The following RECQL4 variants were observed in gnomAD, a reference collection of about 807,000 sequenced individuals.
RECQL4 encodes the protein RecQ like helicase 4.
Under a neutral mutation model 128.6 loss-of-function variants are expected in RECQL4, and 158 were observed. The observed-to-expected ratio is 1.23, with a 90% CI of 1.08 to 1.40. RECQL4 has a LOEUF of 1.40. Ranked by LOEUF, RECQL4 falls within the 40% of genes most tolerant of loss-of-function variation. The probability of loss-of-function intolerance (pLI) is 0.00; values close to 1 mark genes in which losing one functional copy is unlikely to be tolerated. For missense variants in RECQL4, 2,293 were observed against 1,649.8 expected, an observed-to-expected ratio of 1.39 and a Z score of -6.75; for synonymous variants, 996 against 678.9, an observed-to-expected ratio of 1.47 and a Z score of -7.26.
At position 144,515,832 on chromosome 8, in the gene RECQL4, A is replaced by T. The variant is rs1423987224; in HGVS notation, c.1190T>A (p.Val397Asp). ...GECFGGGGATVTTKESCFLNE... is the reference protein window; with the variant it reads ...GECFGGGGATDTTKESCFLNE... ...CAGGAAACAAGACTCCTTGGTTGTG[A>T]CTGTGGCACCACCACCCCCAAAACA... The change falls in exon 6 of 21, where the codon GTC becomes GAC. Residue 397 changes from valine (V) to aspartate (D), a missense_variant. Transcript: ENST00000617875. 6.2e-7 allele frequency: 1 copy of T among 1,612,792 alleles called. No individual in the cohort carries two copies. The highest frequency in any genetic ancestry group is 1.1e-5 in the South Asian group (1 of 91,022).
intron 9 of RECQL4, 126 bp downstream of exon 9, chr8:144,514,810 T>C (rs1827912452): frequency 8.2e-7 from 1 of 1,217,578 alleles, no homozygotes; most frequent in Non-Finnish European, 1.2e-6. Flanking sequence ...AGACTGGGAC[T>C]GAGGCCACAG....
In RECQL4 at chr8:144,511,476, G is replaced by T. The variant is rs772747279; in HGVS notation, c.3582C>A (p.Ala1194=). Residue 1194 remains alanine (A), a synonymous_variant, in exon 21 of 21, where the codon GCC becomes GCA. Transcript: ENST00000617875. ...WRKYLHLSFH[A]LVGLATEELL... is the part of the protein sequence containing the mutation. The stretch of plus-strand genomic sequence containing the variant: ...GCTCTTCCGTGGCCAGGCCCACCAG[G>T]GCATGGAAGCTCAGGTGCAGGTATT... The T allele has an allele frequency of 6.2e-7, 1 of 1,612,446 alleles. No homozygotes were observed. Among genetic ancestry groups the T allele is most frequent in the Non-Finnish European group, 8.5e-7 (1 of 1,179,778 alleles).
rs747239208 is a variant in RECQL4 at position 144,512,398 on chromosome 8, T to C, written c.3049A>G (p.Arg1017Gly). 6 of 1,607,422 alleles carry C rather than the reference T, an allele frequency of 3.7e-6. No homozygotes were observed. Among genetic ancestry groups the C allele is most frequent in the South Asian group, 1.1e-5 (1 of 90,952 alleles). ...LCQLQWDHEP[R>G]TGVRRGTGVL... ...GGGGTGGGGAGAGGCGCACCTGTCCTGGGCTCGTGGTCCCACTGCAGCTGG... is the reference window on the plus strand; with the variant it reads ...GGGGTGGGGAGAGGCGCACCTGTCCCGGGCTCGTGGTCCCACTGCAGCTGG... The change falls in exon 17 of 21, where the codon AGG becomes GGG. Residue 1017 changes from arginine (R) to glycine (G), a missense_variant. Arg to Gly is a moderately radical substitution (Grantham distance 125). Coordinates refer to ENST00000617875, the MANE Select transcript of RECQL4 (RefSeq NM_004260.4).
Position 144,513,648 on chromosome 8 carries a change from T to A in RECQL4, c.2123A>T (p.Asn708Ile), listed in dbSNP as rs1564796315. 1 of 1,578,532 alleles carries A rather than the reference T, an allele frequency of 6.3e-7. No homozygotes were observed. Among genetic ancestry groups the A allele is most frequent in the Non-Finnish European group, 8.6e-7 (1 of 1,162,768 alleles). The change falls in exon 13 of 21, where the codon AAC becomes ATC. Residue 708 changes from asparagine (N) to isoleucine (I), a missense_variant. Asn to Ile is a moderately radical substitution (Grantham distance 149, BLOSUM62 -3). Transcript: ENST00000617875. Reference sequence around the variant, plus strand: ...GATCCGCTCTGTGTCCTCGCGCCGGTTGCAGTAAATGATAATGGAATCGAG... The same window carrying A: ...GATCCGCTCTGTGTCCTCGCGCCGGATGCAGTAAATGATAATGGAATCGAG... ...QNLDSIIIYC[N>I]RREDTERIAA...
intron 11 of RECQL4, 35 bp downstream of exon 11, chr8:144,514,154 C>T (rs763225439): frequency 1.2e-6 from 2 of 1,611,376 alleles, no homozygotes; most frequent in Non-Finnish European, 1.7e-6. Flanking sequence ...CCCATCCCGG[C>T]CCTGGCCGCC....
Position 144,517,197 on chromosome 8 carries a change from G to T in RECQL4, c.214-7C>A. 6.3e-7 allele frequency: 1 copy of T among 1,594,066 alleles called. No homozygotes were observed. The highest frequency in any genetic ancestry group is 8.5e-7 in the Non-Finnish European group (1 of 1,173,132). ...AGCAGCGGGGCTCTGGCGCCTGCAG[G>T]AGACAACAGGGGCACAGGCCAGAAA... On this transcript the variant is annotated splice_region_variant and splice_polypyrimidine_tract_variant and intron_variant, in intron 3 of 20. Coordinates refer to ENST00000617875, the MANE Select transcript of RECQL4 (RefSeq NM_004260.4).
At position 144,515,373 on chromosome 8, in the gene RECQL4, G is replaced by C. The variant is rs1433116281; in HGVS notation, c.1343C>G (p.Pro448Arg). ...CAGGGAGTAGAGTGGCAGCACGGTG[G>C]GGTCCAGGCTGGGCACCTCAGGTAC... Reference protein sequence around the residue: ...QPVPEVPSLDPTVLPLYSLGP... With the variant: ...QPVPEVPSLDRTVLPLYSLGP... Residue 448 changes from proline to arginine, a missense_variant, in exon 7 of 21, where the codon CCC becomes CGC. Coordinates refer to ENST00000617875, the MANE Select transcript of RECQL4 (RefSeq NM_004260.4). 6.2e-7 allele frequency: 1 copy of C among 1,612,646 alleles called. No individual in the cohort carries two copies.
chr8:144,515,062 C>A lies in RECQL4; in HGVS notation c.1494G>T (p.Thr498=), dbSNP rs557281237. Residue 498 remains threonine (T), a synonymous_variant, in exon 9 of 21, where the codon ACG becomes ACT. Coordinates refer to ENST00000617875, the MANE Select transcript of RECQL4 (RefSeq NM_004260.4). ...AVMRILSGIS[T]LLVLPTGAGK... Reference sequence around the variant, plus strand: ...CGGCACCTGTAGGCAGCACCAGCAGCGTGGAGATGCCTGGATGGGGCGGGA... The same window carrying A: ...CGGCACCTGTAGGCAGCACCAGCAGAGTGGAGATGCCTGGATGGGGCGGGA... 2 of 1,607,224 alleles carry A rather than the reference C, an allele frequency of 1.2e-6. No homozygotes were observed. The highest frequency in any genetic ancestry group is 1.7e-6 in the Non-Finnish European group (2 of 1,177,754).
Position 144,516,525 on chromosome 8 carries a change from G to A in RECQL4, c.594C>T (p.Val198=). 6.2e-7 allele frequency: 1 copy of A among 1,609,792 alleles called. No individual in the cohort carries two copies. The highest frequency in any genetic ancestry group is 8.5e-7 in the Non-Finnish European group (1 of 1,179,410). ...PGWLQRCHSE[V]PDFLGAPKAC... ...CTTTGGGGGCCCCCAGAAAATCTGG[G>A]ACCTCACTGTGACATCGCTGTAACC... Residue 198 remains valine, a synonymous_variant, in exon 5 of 21, where the codon GTC becomes GTT. Coordinates refer to ENST00000617875, the MANE Select transcript of RECQL4 (RefSeq NM_004260.4).
chr8:144,514,218 A>G lies in RECQL4; in HGVS notation c.1849T>C (p.Phe617Leu). 1.2e-6 allele frequency: 2 copies of G among 1,612,292 alleles called. No homozygotes were observed. The highest frequency in any genetic ancestry group is 1.7e-6 in the Non-Finnish European group (2 of 1,179,732). Residue 617 changes from phenylalanine (F) to leucine (L), a missense_variant, in exon 11 of 21, where the codon TTC (phenylalanine) becomes CTC (leucine). Physicochemically the swap from Phe to Leu is conservative, Grantham distance 22. Transcript: ENST00000617875. Reference sequence around the variant, plus strand: ...CAGACGCGCAGGTAGCAGGGCCGGAAGTTGTGGGACCACTGGGAGAGGCAG... The same window carrying G: ...CAGACGCGCAGGTAGCAGGGCCGGAGGTTGTGGGACCACTGGGAGAGGCAG... ...AHCLSQWSHN[F>L]RPCYLRVCKV...
rs781121286 is a variant in RECQL4 at position 144,513,642 on chromosome 8, C to A, written c.2129G>T (p.Arg710Leu). The change falls in exon 13 of 21, where the codon CGC becomes CTC. Residue 710 changes from arginine (R) to leucine (L), a missense_variant. Coordinates refer to ENST00000617875, the MANE Select transcript of RECQL4 (RefSeq NM_004260.4). The part of the protein sequence containing the change: ...LDSIIIYCNR[R>L]EDTERIAALL... ...CGCAGCGATCCGCTCTGTGTCCTCG[C>A]GCCGGTTGCAGTAAATGATAATGGA... is the stretch of plus-strand genomic sequence containing the variant. The A allele has an allele frequency of 6.3e-7, 1 of 1,586,208 alleles. No homozygotes were observed. Among genetic ancestry groups the A allele is most frequent in the Non-Finnish European group, 8.6e-7 (1 of 1,166,864 alleles).
Position 144,514,008 on chromosome 8 carries a change from C to G in RECQL4, c.1978G>C (p.Glu660Gln), listed in dbSNP as rs1035926081. 6.4e-7 allele frequency: 1 copy of G among 1,569,200 alleles called. No homozygotes were observed. The highest frequency in any genetic ancestry group is 8.6e-7 in the Non-Finnish European group (1 of 1,158,122). Residue 660 changes from glutamate (E) to glutamine (Q), a missense_variant, in exon 12 of 21, where the codon GAA (glutamate) becomes CAA (glutamine). Physicochemically the swap from Glu to Gln is conservative, Grantham distance 29. Coordinates refer to ENST00000617875, the MANE Select transcript of RECQL4 (RefSeq NM_004260.4). ...SDVAQHLAVA[E>Q]EPDLHGPAPV... ...GCTGGCCCGTGGAGGTCAGGCTCTT[C>G]AGCCACAGCCAGGTGCTGTGCCACG...
Position 144,517,190 on chromosome 8 carries a change from C to G in RECQL4, c.214G>C (p.Ala72Pro), listed in dbSNP as rs1815258229. 1.3e-6 allele frequency: 2 copies of G among 1,599,402 alleles called. No individual in the cohort carries two copies. Among genetic ancestry groups the G allele is most frequent in the Non-Finnish European group, 1.7e-6 (2 of 1,175,348 alleles). The change falls in exon 4 of 21, where the codon GCG (alanine) becomes CCG (proline). Residue 72 changes from alanine (A) to proline (P), a missense_variant and splice_region_variant. Transcript: ENST00000617875. Reference protein sequence around the residue: ...SESLPAAAEEAPEPRCWGPHL... With the variant: ...SESLPAAAEEPPEPRCWGPHL... ...GGCCCCCAGCAGCGGGGCTCTGGCG[C>G]CTGCAGGAGACAACAGGGGCACAGG...
rs767337200 is a variant in RECQL4, at chr8:144,515,194, G to T, written c.1439C>A (p.Ala480Asp). The T allele has an allele frequency of 8.9e-6, 14 of 1,569,718 alleles. No individual in the cohort carries two copies. The highest frequency in any genetic ancestry group is 3.8e-5 in the Admixed American group (2 of 53,080). ...FQALEQLGHQ[A>D]FRPGQERAVM... ...TGCACGCTCCTGCCCAGGGCGAAAG[G>T]CTTGGTGCCCCAGCTGCTCCAGGGC... The change falls in exon 8 of 21, where the codon GCC becomes GAC. Residue 480 changes from alanine (A) to aspartate (D), a missense_variant. Coordinates refer to ENST00000617875, the MANE Select transcript of RECQL4 (RefSeq NM_004260.4).
chr8:144,516,085 A>G lies in RECQL4; in HGVS notation c.1034T>C (p.Leu345Pro), dbSNP rs780968378. Residue 345 changes from leucine (L) to proline (P), a missense_variant, in exon 5 of 21, where the codon CTG becomes CCG. Transcript: ENST00000617875. ...GTAATTGCCCCTGTCATGGCGGGCC[A>G]GCCGAGGGAAGATGTGCAGGGGGGC... Reference protein sequence around the residue: ...GTAPLHIFPRLARHDRGNYVR... With the variant: ...GTAPLHIFPRPARHDRGNYVR... 2 of 1,612,678 alleles carry G rather than the reference A, an allele frequency of 1.2e-6. No individual in the cohort carries two copies. Among genetic ancestry groups the G allele is most frequent in the Non-Finnish European group, 1.7e-6 (2 of 1,179,860 alleles).
chr8:144,517,559 G>A (rs778063966), intron 2 of RECQL4, 43 bp downstream of exon 2: 40 of 1,508,788 alleles, frequency 2.7e-5, no homozygotes, highest in Middle Eastern at 2.2e-4. Context: ...GGCCCCTGCC[G>A]ACCCGGTGTC....
intron 8 of RECQL4, 30 bp downstream of exon 8, chr8:144,515,120 C>T (rs2130705130): frequency 6.3e-7 from 1 of 1,576,616 alleles, no homozygotes; most frequent in South Asian, 1.2e-5. Flanking sequence ...CTGGCCTCAG[C>T]CCAGCCTCAG....
In RECQL4 at chr8:144,513,025, CCTGGTG is replaced by C. The variant is rs1827546544; in HGVS notation, c.2571_2576del (p.Cys857_Arg859delinsTrp). ...CGGCCCCTTCCTGCTCCGAGGGCGGCCTGGTGCAGGTGCAGGTGCAGGCTGGGAACA... is the reference window on the plus strand; with the variant it reads ...CGGCCCCTTCCTGCTCCGAGGGCGGCCAGGTGCAGGTGCAGGCTGGGAACA... On this transcript the variant is annotated inframe_deletion, in exon 15 of 21. Transcript: ENST00000617875. 1 of 1,573,272 alleles carries C rather than the reference CCTGGTG, an allele frequency of 6.4e-7. No individual in the cohort carries two copies. The highest frequency in any genetic ancestry group is 1.4e-5 in the African/African-American group (1 of 73,932).
Position 144,514,435 on chromosome 8 carries a change from C to A in RECQL4, c.1704+7G>T. The A allele has an allele frequency of 6.2e-7, 1 of 1,610,880 alleles. No homozygotes were observed. On this transcript the variant is annotated splice_region_variant and intron_variant, in intron 10 of 20. Transcript: ENST00000617875. ...CTCCCTCACCCCTAGGCCCATGAGG[C>A]CCCCACCTTCTGCAGGACAGATTCC...
Sources: gnomAD v4.1 joint callset for allele counts on GRCh38, gnomAD v4.1.1 for gene constraint, MANE v1.5 for transcripts, NCBI Gene and HGNC (gene_info 2026-07-23, HGNC 2026-07-21) for gene names.